The following MEGF11 variants were observed in gnomAD, a reference collection of about 807,000 sequenced individuals.
MEGF11 encodes the protein multiple EGF like domains 11.
MEGF11 carries 126 observed loss-of-function variants against 146.6 expected under a neutral mutation model. The observed-to-expected ratio is 0.86, with a 90% CI of 0.74 to 1.00. The LOEUF (loss-of-function observed/expected upper bound fraction) is 1.00, where lower values mean the gene tolerates loss of function less well. Among genes scored for constraint, MEGF11 ranks in the 50% least tolerant of loss-of-function variants. MEGF11 has a pLI of 0.00. For missense variants in MEGF11, 1,509 were observed against 1,521.2 expected (o/e 0.99, Z 0.13); for synonymous variants, 532 against 583.4 (o/e 0.91, Z 1.27).
chr15:65,992,317 A>G (rs2082067118), intron 5 of MEGF11, among the ~76,000 whole-genome samples: 1 of 151,994 alleles, frequency 6.6e-6, no homozygotes, highest in Admixed American at 6.6e-5. Context: ...CTGAATTGAA[A>G]CCAACACTGA....
intron 5 of MEGF11, among the ~76,000 whole-genome samples, chr15:65,998,992 G>A (rs1013340238): frequency 6.6e-6 from 1 of 152,018 alleles, no homozygotes; most frequent in Non-Finnish European, 1.5e-5. Flanking sequence ...ATTCTGTCTA[G>A]CGGGGCCCAG....
At chr15:66,143,297 A>G (rs1408867477) in intron 1 of MEGF11, among the ~76,000 whole-genome samples, 1 of 152,210 alleles carries the variant, frequency 6.6e-6, no homozygotes, top group African/African-American at 2.4e-5. Context: ...TGCTCCCAAG[A>G]AAGGGAAAGG....
At chr15:66,124,553 A>G (rs1024799371) in intron 2 of MEGF11, among the ~76,000 whole-genome samples, 2 of 152,208 alleles carry the variant, frequency 1.3e-5, no homozygotes, top group African/African-American at 2.4e-5. Flanking sequence ...ATTCCTCACA[A>G]TCTTAGGCAG....
At chr15:66,244,425 G>A (rs1488827574) in intron 1 of MEGF11, among the ~76,000 whole-genome samples, 2 of 152,162 alleles carry the variant, frequency 1.3e-5, no homozygotes, top group Non-Finnish European at 2.9e-5. Flanking sequence ...CCAAAGTCCT[G>A]GGGATGCAGC....
intron 5 of MEGF11, among the ~76,000 whole-genome samples, chr15:66,027,868 C>A (rs151232231): frequency 1.1e-4 from 17 of 152,156 alleles, no homozygotes; most frequent in Non-Finnish European, 2.1e-4. Flanking sequence ...TAAGCTGTGA[C>A]CAAATGTGAG....
At chr15:66,179,940 AGG>A (rs1204148699) in intron 1 of MEGF11, among the ~76,000 whole-genome samples, 3 of 151,788 alleles carry the variant, frequency 2.0e-5, no homozygotes, top group African/African-American at 7.3e-5. Flanking sequence ...CATCAGAACC[AGG>A]CAAGGGTTTA....
intron 21 of MEGF11, among the ~76,000 whole-genome samples, chr15:65,911,415 G>A (rs905859097): frequency 6.6e-6 from 1 of 151,734 alleles, no homozygotes; most frequent in Admixed American, 6.6e-5. Flanking sequence ...TGGTCTAGTT[G>A]TTGTTGTTGT....
chr15:66,231,587 C>G (rs2140202115), intron 1 of MEGF11, among the ~76,000 whole-genome samples: 1 of 152,300 alleles, frequency 6.6e-6, no homozygotes, highest in African/African-American at 2.4e-5. Context: ...CCAACCGTCT[C>G]CTGAGTCATG....
At chr15:66,219,796 A>G (rs192563531) in intron 1 of MEGF11, among the ~76,000 whole-genome samples, 12 of 152,322 alleles carry the variant, frequency 7.9e-5, no homozygotes, top group Admixed American at 3.3e-4. Flanking sequence ...ATAAAAATCT[A>G]TATGAGAAAG....
intron 1 of MEGF11, among the ~76,000 whole-genome samples, chr15:66,247,233 T>C (rs1330231799): frequency 6.6e-6 from 1 of 152,202 alleles, no homozygotes; most frequent in Admixed American, 6.5e-5. Context: ...ATTTATTCTC[T>C]AGTTCTGTTC....
chr15:66,076,277 T>C (rs184965677), intron 5 of MEGF11, among the ~76,000 whole-genome samples: 39 of 151,748 alleles, frequency 2.6e-4, no homozygotes, highest in African/African-American at 6.8e-4. Flanking sequence ...GGAAGAGGGA[T>C]TGGTCTCAAA....
chr15:65,928,335 G>T, intron 13 of MEGF11, 90 bp downstream of exon 13: 1 of 730,540 alleles, frequency 1.4e-6, no homozygotes, highest in Non-Finnish European at 2.3e-6. Context: ...CAAGAAGAGA[G>T]GTATTGAAGA....
At chr15:66,159,403 T>G (rs1209621706) in intron 1 of MEGF11, among the ~76,000 whole-genome samples, 3 of 152,130 alleles carry the variant, frequency 2.0e-5, no homozygotes, top group Non-Finnish European at 1.5e-5. Context: ...CCTCCAGAAA[T>G]GAATGACCCA....
chr15:66,253,703 G>C lies in MEGF11; in HGVS notation c.-107C>G, dbSNP rs1427773998. 1.3e-5 allele frequency: 2 copies of C among 151,886 alleles called. No individual in the cohort carries two copies. Among genetic ancestry groups the C allele is most frequent in the African/African-American group, 4.8e-5 (2 of 41,352 alleles). The allele number at this position is 151,886 out of a possible 1,614,324, so 9.4% of individuals were successfully genotyped here. A position where few individuals can be genotyped will look rare whatever the true frequency, so the allele number is the denominator to read the frequency against. On this transcript the variant is annotated 5_prime_UTR_variant, in exon 1 of 26. Transcript: ENST00000395614. ...GAGCGCCAGGCAGGAGCAGGGGGCC[G>C]CGAGCAGCCGGGAGCCGGGCGGCGG...
In MEGF11 at chr15:66,037,897, A is replaced by C. The variant is rs2083788296; in HGVS notation, c.395-55409T>G. The stretch of plus-strand genomic sequence containing the variant: ...AGGAGGTGATCGGGACAAGCACAGG[A>C]GGCACCCTCAACCCTGACATCCCCA... On this transcript the variant is annotated intron_variant, in intron 5 of 25. Coordinates refer to ENST00000395614, the MANE Select transcript of MEGF11 (RefSeq NM_001385028.1). Among the ~76,000 whole-genome samples, 4 of 152,206 alleles carry C rather than the reference A, an allele frequency of 2.6e-5. No homozygotes were observed. In the South Asian group the frequency reaches 8.3e-4, roughly 31 times the overall value.
intron 1 of MEGF11, among the ~76,000 whole-genome samples, chr15:66,244,488 ACC>A (rs935016341): frequency 2.6e-5 from 4 of 152,186 alleles, no homozygotes; most frequent in Admixed American, 1.3e-4. Flanking sequence ...GAGAACAGGC[ACC>A]CAAAGGTCGG....
chr15:66,016,858 T>A (rs765159610), intron 5 of MEGF11, among the ~76,000 whole-genome samples: 3 of 152,220 alleles, frequency 2.0e-5, no homozygotes, highest in Non-Finnish European at 4.4e-5. Context: ...GGGAAAGGGA[T>A]GCCTATAGAG....
chr15:65,913,959 C>G lies in MEGF11; in HGVS notation c.2488G>C (p.Glu830Gln). The G allele has an allele frequency of 5.0e-6, 8 of 1,613,756 alleles. No homozygotes were observed. Among genetic ancestry groups the G allele is most frequent in the Non-Finnish European group, 6.8e-6 (8 of 1,179,776 alleles). ...IRCDQAALMM[E>Q]ELNPYTKISP... is the part of the protein sequence containing the mutation. Reference sequence around the variant, plus strand: ...ATCTTGGTGTAGGGATTCAGCTCCTCCATCATGAGGGCAGCTGCGGGCAGA... The same window carrying G: ...ATCTTGGTGTAGGGATTCAGCTCCTGCATCATGAGGGCAGCTGCGGGCAGA... Residue 830 changes from glutamate (E) to glutamine (Q), a missense_variant, in exon 20 of 26, where the codon GAG becomes CAG. Coordinates refer to ENST00000395614, the MANE Select transcript of MEGF11 (RefSeq NM_001385028.1).
intron 15 of MEGF11, among the ~76,000 whole-genome samples, chr15:65,918,373 T>TA (rs2079070796): frequency 6.6e-6 from 1 of 152,240 alleles, no homozygotes; most frequent in African/African-American, 2.4e-5. Context: ...TCACCTGACT[T>TA]AGGTCTCACA....
Sources: gnomAD v4.1 joint callset for allele counts (sites outside exome capture counted in the v4.1 genomes callset) on GRCh38, gnomAD v4.1.1 for gene constraint, MANE v1.5 for transcripts, NCBI Gene and HGNC (gene_info 2026-07-23, HGNC 2026-07-21) for gene names.